NUS1: variants seen among roughly 807,000 people sequenced by gnomAD.
NUS1 encodes NUS1 dehydrodolichyl diphosphate synthase subunit, also known as dehydrodolichyl diphosphate synthase complex subunit NUS1.
For missense variants in NUS1, 292 were observed against 382.9 expected (o/e 0.76, Z 1.98); for synonymous variants, 135 against 155.2 (o/e 0.87, Z 0.97).
chr6:117,695,870 T>A (rs1773311311), intron 3 of NUS1, among the ~76,000 whole-genome samples: 1 of 152,196 alleles, frequency 6.6e-6, no homozygotes, highest in South Asian at 2.1e-4. Flanking sequence ...TTCATCTATG[T>A]AAAATGCATT....
rs1773107631 is a variant in NUS1 at position 117,684,488 on chromosome 6, A to ATTGTT, written c.415+8404_415+8405insTGTTT. Among the ~76,000 whole-genome samples, 6 of 151,992 alleles carry ATTGTT rather than the reference A, an allele frequency of 3.9e-5. No homozygotes were observed. In the South Asian group the frequency reaches 1.2e-3, roughly 32 times the overall value. ...GATTACTGTAGTAGCCTCCTAATTG[A>ATTGTT]TCTCCATTTTTCTATCCTGGTCCCT... On this transcript the variant is annotated intron_variant, in intron 1 of 4. Transcript: ENST00000368494.
intron 2 of NUS1, among the ~76,000 whole-genome samples, chr6:117,693,481 G>T (rs757806686): frequency 5.3e-5 from 8 of 152,148 alleles, no homozygotes; most frequent in African/African-American, 1.9e-4. Flanking sequence ...AGTGAGGAAA[G>T]AAATTGAATC....
intron 1 of NUS1, among the ~76,000 whole-genome samples, chr6:117,689,094 G>C (rs1773180290): frequency 6.6e-6 from 1 of 152,178 alleles, no homozygotes; most frequent in Admixed American, 6.5e-5. Flanking sequence ...CAAGGAGCCA[G>C]GTTACGTGTT....
chr6:117,676,215 G>A, intron 1 of NUS1, 130 bp downstream of exon 1: 1 of 1,399,680 alleles, frequency 7.1e-7, no homozygotes, highest in Non-Finnish European at 9.6e-7. Flanking sequence ...CGCTTTCGAG[G>A]AAGGGAGATC....
chr6:117,684,651 A>G (rs1353697930), intron 1 of NUS1, among the ~76,000 whole-genome samples: 2 of 152,264 alleles, frequency 1.3e-5, no homozygotes, highest in African/African-American at 4.8e-5. Flanking sequence ...AGGCCCCTTC[A>G]TGTTACGGCC....
In NUS1 at chr6:117,695,440, C is replaced by G. The variant is rs559324132; in HGVS notation, c.691+1260C>G. On this transcript the variant is annotated intron_variant, in intron 3 of 4. Transcript: ENST00000368494. ...AGTAGACCATTATGGGGCCTCTCTG[C>G]TCAGATGTTACTGGGATGTTGACTG... 2.0e-5 allele frequency among the ~76,000 whole-genome samples: 3 copies of G among 152,134 alleles called. No individual in the cohort carries two copies. The East Asian group carries it at 5.8e-4, about 29-fold the overall frequency.
At position 117,693,163 on chromosome 6, in the gene NUS1, T is replaced by G; in HGVS notation, c.537T>G (p.Asp179Glu). The change falls in exon 2 of 5, where the codon GAT (aspartate) becomes GAG (glutamate). Residue 179 changes from aspartate to glutamate, a missense_variant. Transcript: ENST00000368494. ...PEFANSNDKD[D>E]QVLNCHLAVK... ...TTGCAAATAGTAATGACAAAGATGATCAAGGTAAGCATGAGTGTATAATTG... is the reference window on the plus strand; with the variant it reads ...TTGCAAATAGTAATGACAAAGATGAGCAAGGTAAGCATGAGTGTATAATTG... 6.2e-7 allele frequency: 1 copy of G among 1,612,470 alleles called. No homozygotes were observed. Among genetic ancestry groups the G allele is most frequent in the Non-Finnish European group, 8.5e-7 (1 of 1,178,908 alleles).
rs1006753900 is a variant in NUS1 at position 117,675,879 on chromosome 6, G to C, written c.209G>C (p.Arg70Pro). Residue 70 changes from arginine to proline, a missense_variant, in exon 1 of 5, where the codon CGG becomes CCG. Physicochemically the swap from Arg to Pro is moderately radical, Grantham distance 103. Coordinates refer to ENST00000368494, the MANE Select transcript of NUS1 (RefSeq NM_138459.5). ...GTCGGCAGGAACCGCCGTCACCACC[G>C]GCACCCGCGCGGGGGGTCGTGCCTG... ...PAVGRNRRHH[R>P]HPRGGSCLAA... The C allele has an allele frequency of 5.2e-6, 8 of 1,533,626 alleles. No homozygotes were observed. Among genetic ancestry groups the C allele is most frequent in the Non-Finnish European group, 7.0e-6 (8 of 1,139,256 alleles).
intron 4 of NUS1, among the ~76,000 whole-genome samples, chr6:117,705,478 A>G (rs1373622036): frequency 4.0e-4 from 61 of 152,240 alleles, no homozygotes; most frequent in Non-Finnish European, 1.2e-4. Context: ...TGGACAAGAT[A>G]TGAAGCACGT....
chr6:117,698,391 A>G (rs546933634), intron 3 of NUS1, among the ~76,000 whole-genome samples: 2 of 152,224 alleles, frequency 1.3e-5, no homozygotes, highest in South Asian at 2.1e-4. Context: ...GCTATGAGTA[A>G]CTATATGCCA....
At chr6:117,676,355 G>T (rs550589989) in intron 1 of NUS1, among the ~76,000 whole-genome samples, 77 of 152,306 alleles carry the variant, frequency 5.1e-4, no homozygotes, top group African/African-American at 1.8e-3. Flanking sequence ...GAGGCGGACG[G>T]ATCACCTGAG....
chr6:117,695,546 C>G (rs747726903), intron 3 of NUS1, among the ~76,000 whole-genome samples: 34 of 152,114 alleles, frequency 2.2e-4, no homozygotes, highest in Non-Finnish European at 4.3e-4. Flanking sequence ...CAAAGATGAC[C>G]TTCAGGTAGT....
chr6:117,696,056 CAG>C (rs373122524), intron 3 of NUS1, among the ~76,000 whole-genome samples: 60 of 151,964 alleles, frequency 3.9e-4, no homozygotes, highest in African/African-American at 1.4e-3. Flanking sequence ...TTCAGAAAGT[CAG>C]AATTCTATCA....
chr6:117,681,511 T>G (rs1441741833), intron 1 of NUS1, among the ~76,000 whole-genome samples: 1 of 152,208 alleles, frequency 6.6e-6, no homozygotes, highest in Non-Finnish European at 1.5e-5. Context: ...GAACATAGTT[T>G]ACCCTAGTTT....
intron 3 of NUS1, among the ~76,000 whole-genome samples, chr6:117,700,744 A>G (rs1773394038): frequency 6.6e-6 from 1 of 152,212 alleles, no homozygotes. Flanking sequence ...AAGAAAATGT[A>G]CATATGGACC....
chr6:117,686,401 A>G (rs1371999571), intron 1 of NUS1, among the ~76,000 whole-genome samples: 1 of 152,200 alleles, frequency 6.6e-6, no homozygotes, highest in Non-Finnish European at 1.5e-5. Context: ...TTGTTCCTTT[A>G]TCAGAGTTAG....
intron 3 of NUS1, among the ~76,000 whole-genome samples, chr6:117,701,011 A>T (rs1365211614): frequency 6.6e-6 from 1 of 151,374 alleles, no homozygotes; most frequent in Non-Finnish European, 1.5e-5. Flanking sequence ...GTACAAAAAA[A>T]AAAATTGAAT....
chr6:117,696,161 A>T (rs192140661), intron 3 of NUS1, among the ~76,000 whole-genome samples: 471 of 152,182 alleles, frequency 3.1e-3, no homozygotes, highest in Non-Finnish European at 5.7e-3. Context: ...AATGCATCAG[A>T]GTCTCTTAAT....
chr6:117,690,528 A>G (rs1773200382), intron 1 of NUS1, among the ~76,000 whole-genome samples: 1 of 152,208 alleles, frequency 6.6e-6, no homozygotes, highest in African/African-American at 2.4e-5. Flanking sequence ...CAAAACAGAT[A>G]AGATCCCTAC....
Sources: allele counts gnomAD v4.1 joint callset (sites outside exome capture counted in the v4.1 genomes callset), GRCh38; gene constraint gnomAD v4.1.1; transcripts MANE v1.5; gene names NCBI Gene and HGNC (gene_info 2026-07-23, HGNC 2026-07-21).